SLC5A4: variants seen among roughly 807,000 people sequenced by gnomAD.
SLC5A4 encodes the protein probable glucose sensor protein SLC5A4.
SLC5A4 carries 55 observed loss-of-function variants against 70.3 expected under a neutral mutation model. The ratio of observed to expected loss-of-function variants is 0.78; its 90% confidence interval spans 0.63 to 0.98. The LOEUF (loss-of-function observed/expected upper bound fraction) is 0.98, where lower values mean the gene tolerates loss of function less well. SLC5A4 is among the 50% of genes least tolerant of loss of function. The pLI, the probability that SLC5A4 is intolerant of heterozygous loss-of-function variation, is 0.00. For missense variants in SLC5A4, 735 were observed against 839.2 expected (o/e 0.88, Z 1.53); for synonymous variants, 268 against 305.7 (o/e 0.88, Z 1.29).
the SLC5A4 span, among the ~76,000 whole-genome samples, chr22:32,330,676 G>T: frequency 9.6e-6 from 1 of 104,548 alleles, no homozygotes; most frequent in East Asian, 3.3e-4. Context: ...TGTGTTAGGG[G>T]GCTCTGGTGT....
chr22:32,271,935 G>A, the SLC5A4 span: 2 of 575,760 alleles, frequency 3.5e-6, no homozygotes, highest in Non-Finnish European at 6.6e-6. Context: ...CTGTGCACCT[G>A]CATCCCACAT....
At chr22:32,246,115 C>T (rs1433697634) in intron 5 of SLC5A4, among the ~76,000 whole-genome samples, 5 of 152,256 alleles carry the variant, frequency 3.3e-5, no homozygotes, top group Non-Finnish European at 7.3e-5. Context: ...AGTACATTTA[C>T]ATGTATTGTC....
the SLC5A4 span, among the ~76,000 whole-genome samples, chr22:32,338,683 G>A: frequency 6.6e-6 from 1 of 152,110 alleles, no homozygotes; most frequent in African/African-American, 2.4e-5. Context: ...AATGCAAACT[G>A]TATAGAAATG....
the SLC5A4 span, among the ~76,000 whole-genome samples, chr22:32,314,739 A>G: frequency 1.2e-4 from 19 of 152,318 alleles, no homozygotes; most frequent in East Asian, 2.7e-3. Context: ...ACAGTTCCAC[A>G]TGGCTGGGGA....
upstream of SLC5A4, among the ~76,000 whole-genome samples, chr22:32,257,902 G>A (rs112537448): frequency 7.8e-4 from 117 of 149,718 alleles, 1 homozygote; most frequent in East Asian, 0.02. Context: ...ACTCCTGACC[G>A]CAGGTAATTC....
chr22:32,338,326 G>A, the SLC5A4 span, among the ~76,000 whole-genome samples: 1 of 152,154 alleles, frequency 6.6e-6, no homozygotes, highest in South Asian at 2.1e-4. Flanking sequence ...GTTAACAAAT[G>A]AAAGTGGTTT....
At chr22:32,347,209 G>A in the SLC5A4 span, among the ~76,000 whole-genome samples, 1 of 152,162 alleles carries the variant, frequency 6.6e-6, no homozygotes, top group Admixed American at 6.5e-5. Context: ...GAAACAACAG[G>A]TGCTGGAGAG....
the SLC5A4 span, among the ~76,000 whole-genome samples, chr22:32,326,926 G>C: frequency 0.083 from 12,677 of 152,208 alleles, 830 homozygotes; most frequent in East Asian, 0.34. Context: ...GTGCCTCTGG[G>C]AACTGGAGCA....
intron 6 of SLC5A4, among the ~76,000 whole-genome samples, chr22:32,238,316 C>T (rs1161351203): frequency 1.3e-5 from 2 of 152,190 alleles, no homozygotes; most frequent in African/African-American, 2.4e-5. Context: ...CGAAGAAACT[C>T]CTCATTTTGG....
At chr22:32,268,784 G>C in the SLC5A4 span, among the ~76,000 whole-genome samples, 1 of 152,308 alleles carries the variant, frequency 6.6e-6, no homozygotes, top group East Asian at 1.9e-4. Context: ...GGCCTGTGCT[G>C]TCTAATGTGG....
intron 9 of SLC5A4, 142 bp downstream of exon 9, chr22:32,232,757 A>G (rs1925832743): frequency 1.0e-6 from 1 of 983,350 alleles, no homozygotes; most frequent in African/African-American, 1.7e-5. Context: ...GCCTTTGACC[A>G]CTGTGCAGGC....
At chr22:32,317,769 A>G in the SLC5A4 span, among the ~76,000 whole-genome samples, 2 of 152,146 alleles carry the variant, frequency 1.3e-5, no homozygotes, top group African/African-American at 4.8e-5. Flanking sequence ...CCTGGCCCCA[A>G]CTACTCGTTC....
chr22:32,339,898 G>A, the SLC5A4 span, among the ~76,000 whole-genome samples: 5 of 152,172 alleles, frequency 3.3e-5, no homozygotes, highest in Admixed American at 6.5e-5. Flanking sequence ...AGGTGCTTTC[G>A]GGGACCCCCG....
the SLC5A4 span, among the ~76,000 whole-genome samples, chr22:32,326,739 T>C: frequency 6.6e-6 from 1 of 151,334 alleles, no homozygotes; most frequent in Non-Finnish European, 1.5e-5. Flanking sequence ...CACGATAGAG[T>C]TGAGGGTTTT....
chr22:32,323,758 G>T, the SLC5A4 span, among the ~76,000 whole-genome samples: 1 of 152,320 alleles, frequency 6.6e-6, no homozygotes, highest in African/African-American at 2.4e-5. Flanking sequence ...AAGCTGCTCA[G>T]TTCCCTGGAA....
the SLC5A4 span, among the ~76,000 whole-genome samples, chr22:32,289,936 G>C: frequency 6.6e-6 from 1 of 152,072 alleles, no homozygotes; most frequent in African/African-American, 2.4e-5. Context: ...GCCATTTTAT[G>C]CTCTTTAATA....
At chr22:32,275,835 A>G in the SLC5A4 span, among the ~76,000 whole-genome samples, 1 of 152,224 alleles carries the variant, frequency 6.6e-6, no homozygotes, top group South Asian at 2.1e-4. Context: ...TCCCACCAAC[A>G]GTGTAAAAGT....
At chr22:32,283,849 A>G in the SLC5A4 span, among the ~76,000 whole-genome samples, 1 of 152,114 alleles carries the variant, frequency 6.6e-6, no homozygotes, top group Non-Finnish European at 1.5e-5. Flanking sequence ...CAGCCAGTAT[A>G]TGCTGGCTCC....
At chr22:32,298,822 C>T in the SLC5A4 span, among the ~76,000 whole-genome samples, 18 of 114,358 alleles carry the variant, frequency 1.6e-4, 2 homozygotes, top group South Asian at 3.8e-3. Context: ...TTAGCACTTC[C>T]TTCAGGAGCT....
Sources: allele counts gnomAD v4.1 joint callset (sites outside exome capture counted in the v4.1 genomes callset), GRCh38; gene constraint gnomAD v4.1.1; transcripts MANE v1.5; gene names NCBI Gene and HGNC (gene_info 2026-07-23, HGNC 2026-07-21).